Variants in FOXJ3 observed in about 807,000 individuals in gnomAD.
FOXJ3 encodes forkhead box protein J3.
FOXJ3 carries 22 observed loss-of-function variants against 76.1 expected under a neutral mutation model. The observed-to-expected ratio is 0.29, with a 90% CI of 0.21 to 0.41. The LOEUF is 0.41. Among genes scored for constraint, FOXJ3 ranks in the 10% least tolerant of loss-of-function variants. FOXJ3 has a pLI of 1.00. For synonymous variants in FOXJ3, 269 were observed against 261.2 expected (o/e 1.03, Z -0.29); for missense variants, 613 against 762.1 (o/e 0.80, Z 2.30).
At chr1:42,231,505 T>C (rs1414794158) in intron 4 of FOXJ3, among the ~76,000 whole-genome samples, 1 of 151,884 alleles carries the variant, frequency 6.6e-6, no homozygotes, top group South Asian at 2.1e-4. Flanking sequence ...GTTTAATGAG[T>C]GAAGAATTTA....
In FOXJ3 at chr1:42,311,055, T is replaced by C. The variant is rs756195796; in HGVS notation, c.39A>G (p.Ser13=). The change falls in exon 2 of 13, where the codon TCA becomes TCG. Residue 13 remains serine (S), a synonymous_variant. Transcript: ENST00000361346. ...LYGQACPSVT[S]LRMTSELESS... ...AAAAAAAAAAGAGCACTCACCTTAA[T>C]GAAGTTACAGATGGACAAGCCTGTC... 1.3e-6 allele frequency: 2 copies of C among 1,583,790 alleles called. No homozygotes were observed. The highest frequency in any genetic ancestry group is 2.2e-5 in the East Asian group (1 of 44,516).
intron 4 of FOXJ3, among the ~76,000 whole-genome samples, chr1:42,254,533 C>G (rs1296424024): frequency 6.8e-6 from 1 of 147,826 alleles, no homozygotes; most frequent in Non-Finnish European, 1.5e-5. Context: ...TATTGCAGCA[C>G]TATTCACAAT....
At chr1:42,308,651 G>A (rs958465588) in intron 2 of FOXJ3, among the ~76,000 whole-genome samples, 8 of 152,150 alleles carry the variant, frequency 5.3e-5, no homozygotes, top group African/African-American at 1.9e-4. Flanking sequence ...TGACTCAGAT[G>A]TCACAGGGCT....
intron 12 of FOXJ3, 33 bp downstream of exon 12, chr1:42,181,884 C>T: frequency 7.1e-7 from 1 of 1,405,526 alleles, no homozygotes; most frequent in Non-Finnish European, 1.0e-6. Flanking sequence ...CACACACACA[C>T]ACACACACAC....
At position 42,278,525 on chromosome 1, in the gene FOXJ3, T is replaced by C. The variant is rs142326068; in HGVS notation, c.192A>G (p.Thr64=). The C allele has an allele frequency of 8.4e-5, 135 of 1,614,186 alleles. No individual in the cohort carries two copies. The highest frequency in any genetic ancestry group is 1.1e-4 in the Non-Finnish European group (129 of 1,180,036). ...GTTGGACTTCTTCCTGGTCCAGAGT[T>C]GTATTTGGGTCAAGGAGTGCATTCT... is the stretch of plus-strand genomic sequence containing the variant. ...SKKNALLDPN[T]TLDQEEVQQH... is the part of the protein sequence containing the mutation. The change falls in exon 3 of 13, where the codon ACA becomes ACG. Residue 64 remains threonine (T), a synonymous_variant. Coordinates refer to ENST00000361346, the MANE Select transcript of FOXJ3 (RefSeq NM_014947.5).
intron 4 of FOXJ3, among the ~76,000 whole-genome samples, chr1:42,261,582 T>A (rs1651042757): frequency 6.6e-6 from 1 of 152,172 alleles, no homozygotes; most frequent in Non-Finnish European, 1.5e-5. Context: ...AAAACATCTA[T>A]GATTCAACAA....
At chr1:42,200,517 C>T (rs1488261805) in intron 6 of FOXJ3, among the ~76,000 whole-genome samples, 3 of 152,120 alleles carry the variant, frequency 2.0e-5, no homozygotes, top group Non-Finnish European at 4.4e-5. Flanking sequence ...CTCGCTTTGT[C>T]GCCTAGGCTG....
At chr1:42,272,123 G>A (rs1053484265) in intron 3 of FOXJ3, among the ~76,000 whole-genome samples, 1 of 152,212 alleles carries the variant, frequency 6.6e-6, no homozygotes, top group African/African-American at 2.4e-5. Flanking sequence ...GCAACATAAT[G>A]TCCTCTGTGT....
rs1646330551 is a variant in FOXJ3, at chr1:42,181,893, ACTCACTCT to A, written c.1753+16_1753+23del. The A allele has an allele frequency of 3.0e-6, 4 of 1,338,384 alleles. No individual in the cohort carries two copies. In the African/African-American group the frequency reaches 6.3e-5, roughly 21 times the overall value. The allele number at this position is 1,338,384 out of a possible 1,614,324, so 82.9% of individuals were successfully genotyped here. ...CACACACACACACACACACACACACACTCACTCTCTCTCTCTCTCTTACCTGCCATCGT... is the reference window on the plus strand; with the variant it reads ...CACACACACACACACACACACACACACTCTCTCTCTCTTACCTGCCATCGT... On this transcript the variant is annotated intron_variant, in intron 12 of 12. Transcript: ENST00000361346.
intron 4 of FOXJ3, among the ~76,000 whole-genome samples, chr1:42,243,338 CAAGA>C (rs1209282291): frequency 6.6e-6 from 1 of 151,982 alleles, no homozygotes; most frequent in Non-Finnish European, 1.5e-5. Context: ...TAATAAGCAA[CAAGA>C]AAGAAAGGAA....
chr1:42,277,479 G>A (rs1344997039), intron 3 of FOXJ3, among the ~76,000 whole-genome samples: 1 of 149,750 alleles, frequency 6.7e-6, no homozygotes, highest in African/African-American at 2.5e-5. Flanking sequence ...TGGCTAACAC[G>A]GTGAAATCCC....
intron 5 of FOXJ3, among the ~76,000 whole-genome samples, chr1:42,214,571 T>C (rs529893497): frequency 2.0e-5 from 3 of 152,102 alleles, no homozygotes; most frequent in Non-Finnish European, 4.4e-5. Flanking sequence ...TATAAAGTAT[T>C]ATGGTGAGAA....
chr1:42,212,434 A>C (rs1646982602), intron 5 of FOXJ3, among the ~76,000 whole-genome samples: 1 of 152,218 alleles, frequency 6.6e-6, no homozygotes, highest in Non-Finnish European at 1.5e-5. Context: ...GAACTACAAA[A>C]TGTGGTAGAA....
intron 4 of FOXJ3, among the ~76,000 whole-genome samples, chr1:42,244,211 A>G (rs1649363983): frequency 6.6e-6 from 1 of 152,254 alleles, no homozygotes; most frequent in African/African-American, 2.4e-5. Flanking sequence ...ATAAATGCCT[A>G]CATCAAAAAA....
intron 2 of FOXJ3, among the ~76,000 whole-genome samples, chr1:42,282,961 C>T (rs1652821473): frequency 6.6e-6 from 1 of 152,140 alleles, no homozygotes; most frequent in Non-Finnish European, 1.5e-5. Flanking sequence ...TATGCGTGTG[C>T]TCCTCCCCAA....
chr1:42,240,890 C>CTTA (rs1649082210), intron 4 of FOXJ3, among the ~76,000 whole-genome samples: 1 of 152,198 alleles, frequency 6.6e-6, no homozygotes. Flanking sequence ...TCAACAGACA[C>CTTA]TATTAAGAAA....
intron 1 of FOXJ3, among the ~76,000 whole-genome samples, chr1:42,316,577 A>G (rs1655124500): frequency 1.3e-5 from 2 of 152,054 alleles, no homozygotes; most frequent in African/African-American, 4.8e-5. Flanking sequence ...TGAAGACTCA[A>G]GACTGGAATC....
intron 2 of FOXJ3, among the ~76,000 whole-genome samples, chr1:42,309,799 C>T (rs991668976): frequency 1.3e-5 from 2 of 152,206 alleles, no homozygotes; most frequent in African/African-American, 4.8e-5. Flanking sequence ...ACTCTGGGAA[C>T]CACGACAATC....
chr1:42,229,042 T>A (rs187751499), intron 4 of FOXJ3, among the ~76,000 whole-genome samples: 103 of 152,302 alleles, frequency 6.8e-4, no homozygotes, highest in Admixed American at 1.6e-3. Context: ...TTATACTTTC[T>A]TGAACATACC....
Sources: allele counts gnomAD v4.1 joint callset (sites outside exome capture counted in the v4.1 genomes callset), GRCh38; gene constraint gnomAD v4.1.1; transcripts MANE v1.5; gene names NCBI Gene and HGNC (gene_info 2026-07-23, HGNC 2026-07-21).